Variants in RAB10 observed in about 807,000 individuals in gnomAD.
RAB10 encodes the protein RAB10, member RAS oncogene family, also known as ras-related protein Rab-10.
In RAB10, 5 loss-of-function variants were observed where a neutral mutation model predicts 25.7. That is an observed-to-expected ratio of 0.19 (90% CI 0.10 to 0.41). RAB10 has a LOEUF of 0.41. Among genes scored for constraint, RAB10 ranks in the 10% least tolerant of loss-of-function variants. The pLI is 1.00. For synonymous variants in RAB10, 89 were observed against 86.4 expected, an observed-to-expected ratio of 1.03 and a Z score of -0.16; for missense variants, 103 against 245.8, an observed-to-expected ratio of 0.42 and a Z score of 3.89.
chr2:26,083,510 C>G (rs1335979077), intron 1 of RAB10, among the ~76,000 whole-genome samples: 2 of 150,812 alleles, frequency 1.3e-5, no homozygotes, highest in Admixed American at 1.3e-4. Context: ...GTCACCCAGG[C>G]TGGAGTGCAG....
intron 3 of RAB10, among the ~76,000 whole-genome samples, chr2:26,114,345 C>G (rs1667639590): frequency 6.6e-6 from 1 of 152,058 alleles, no homozygotes; most frequent in South Asian, 2.1e-4. Flanking sequence ...AAAACTTAAC[C>G]GCAAAGCCAC....
intron 2 of RAB10, among the ~76,000 whole-genome samples, chr2:26,103,218 G>A (rs1667381448): frequency 6.6e-6 from 1 of 152,152 alleles, no homozygotes; most frequent in South Asian, 2.1e-4. Flanking sequence ...CCAACCTATA[G>A]TAGACATTCA....
intron 1 of RAB10, among the ~76,000 whole-genome samples, chr2:26,097,088 G>A (rs190836933): frequency 5.7e-4 from 86 of 152,190 alleles, no homozygotes; most frequent in Middle Eastern, 3.4e-3. Flanking sequence ...ATGGTGGCTC[G>A]TGCCTGTGGT....
intron 1 of RAB10, among the ~76,000 whole-genome samples, chr2:26,073,917 A>T (rs1452422197): frequency 6.6e-6 from 1 of 152,232 alleles, no homozygotes; most frequent in Admixed American, 6.5e-5. Context: ...TACAATGGGT[A>T]CATTGATTAC....
chr2:26,057,620 T>TTTCATACATTCATTCATTCATTCATTCA (rs1666296287), intron 1 of RAB10, among the ~76,000 whole-genome samples: 1 of 149,076 alleles, frequency 6.7e-6, no homozygotes, highest in Non-Finnish European at 1.5e-5. Flanking sequence ...GGCAAGTTTC[T>TTTCATACATTCATTCATTCATTCATTCA]TTCATTCATT....
intron 1 of RAB10, among the ~76,000 whole-genome samples, chr2:26,077,791 A>T (rs1666769505): frequency 6.6e-6 from 1 of 152,132 alleles, no homozygotes; most frequent in African/African-American, 2.4e-5. Context: ...TATTCTGGCT[A>T]ACACAGTGAA....
chr2:26,063,279 T>G (rs1230699477), intron 1 of RAB10, among the ~76,000 whole-genome samples: 2 of 152,220 alleles, frequency 1.3e-5, no homozygotes, highest in East Asian at 1.9e-4. Flanking sequence ...CATCTGTTCC[T>G]TATGTCCCTT....
chr2:26,122,489 G>A (rs992883474), intron 3 of RAB10, among the ~76,000 whole-genome samples: 58 of 152,156 alleles, frequency 3.8e-4, no homozygotes, highest in Non-Finnish European at 6.2e-4. Flanking sequence ...TTAGCCAGGC[G>A]TGGTGGCGGG....
intron 1 of RAB10, among the ~76,000 whole-genome samples, chr2:26,051,890 C>G (rs1559578984): frequency 6.6e-6 from 1 of 151,612 alleles, no homozygotes; most frequent in Non-Finnish European, 1.5e-5. Flanking sequence ...AACCCCGTCT[C>G]TACTAAAAAT....
intron 1 of RAB10, among the ~76,000 whole-genome samples, chr2:26,046,882 G>A (rs1178245300): frequency 6.6e-6 from 1 of 152,174 alleles, no homozygotes; most frequent in Non-Finnish European, 1.5e-5. Flanking sequence ...CAATGCTTCT[G>A]TACAGACTTT....
At chr2:26,117,858 T>C (rs1667725230) in intron 3 of RAB10, among the ~76,000 whole-genome samples, 1 of 152,172 alleles carries the variant, frequency 6.6e-6, no homozygotes, top group Admixed American at 6.5e-5. Flanking sequence ...GGAACATAAC[T>C]ACCTTGGCTA....
chr2:26,047,752 C>G (rs1370265330), intron 1 of RAB10, among the ~76,000 whole-genome samples: 1 of 106,252 alleles, frequency 9.4e-6, no homozygotes, highest in Admixed American at 1.3e-4. Context: ...GAGACAGAGT[C>G]TCACTTTGTT....
intron 3 of RAB10, among the ~76,000 whole-genome samples, chr2:26,111,606 CA>C (rs11347877): frequency 0.74 from 103,775 of 139,658 alleles, 37,465 homozygotes; most frequent in East Asian, 0.87. Context: ...AACTCCATCT[CA>C]AAAAAAAAAA....
chr2:26,120,187 T>C (rs753748934), intron 3 of RAB10, among the ~76,000 whole-genome samples: 5 of 152,194 alleles, frequency 3.3e-5, no homozygotes, highest in Non-Finnish European at 7.4e-5. Context: ...TGGAGGTTCA[T>C]GTTAGTGGCT....
intron 1 of RAB10, among the ~76,000 whole-genome samples, chr2:26,055,153 G>A (rs1183139264): frequency 6.6e-6 from 1 of 152,094 alleles, no homozygotes; most frequent in Non-Finnish European, 1.5e-5. Flanking sequence ...ATGGTGTGTA[G>A]TATACAGTTG....
intron 1 of RAB10, among the ~76,000 whole-genome samples, chr2:26,059,710 A>T (rs1339223923): frequency 1.3e-5 from 2 of 152,160 alleles, no homozygotes; most frequent in African/African-American, 4.8e-5. Context: ...AATAGCCAAG[A>T]GGTGGAGACA....
intron 1 of RAB10, among the ~76,000 whole-genome samples, chr2:26,074,782 C>T (rs1024287711): frequency 4.6e-5 from 7 of 152,222 alleles, no homozygotes; most frequent in African/African-American, 1.7e-4. Context: ...TGGAGTCGAA[C>T]TCATGTCACT....
intron 1 of RAB10, among the ~76,000 whole-genome samples, chr2:26,094,854 C>G (rs1300001936): frequency 6.6e-6 from 1 of 152,218 alleles, no homozygotes; most frequent in Non-Finnish European, 1.5e-5. Flanking sequence ...CCACTGTGCC[C>G]GGCCCCACTT....
At chr2:26,095,344 A>G (rs1667189294) in intron 1 of RAB10, among the ~76,000 whole-genome samples, 1 of 152,224 alleles carries the variant, frequency 6.6e-6, no homozygotes, top group African/African-American at 2.4e-5. Flanking sequence ...GCGGTGGCTC[A>G]TGCCTATAAT....
Sources: gnomAD v4.1 joint callset for allele counts (sites outside exome capture counted in the v4.1 genomes callset) on GRCh38, gnomAD v4.1.1 for gene constraint, MANE v1.5 for transcripts, NCBI Gene and HGNC (gene_info 2026-07-23, HGNC 2026-07-21) for gene names.